MYO6: variants seen among roughly 807,000 people sequenced by gnomAD.
MYO6 encodes unconventional myosin-VI.
MYO6 carries 74 observed loss-of-function variants against 178.7 expected under a neutral mutation model. The ratio of observed to expected loss-of-function variants is 0.41; its 90% CI spans 0.34 to 0.50. The LOEUF is 0.50. MYO6 is among the 20% of genes least tolerant of loss of function. The pLI is 0.09. For synonymous variants in MYO6, 477 were observed against 504.6 expected (o/e 0.95, Z 0.73); for missense variants, 1,330 against 1,547.4 (o/e 0.86, Z 2.36).
At chr6:75,801,102 A>T (rs1405906903) in intron 1 of MYO6, among the ~76,000 whole-genome samples, 8 of 152,142 alleles carry the variant, frequency 5.3e-5, no homozygotes, top group African/African-American at 1.9e-4. Flanking sequence ...GTAAGACTAG[A>T]TGTATTACTT....
Position 75,854,275 on chromosome 6 carries a change from C to CTTTTT in MYO6, c.1079-836_1079-832dup, listed in dbSNP as rs61398235. ...CATGGGTCAAGACCTAACTGCATTGCTTTTTTTTTTTTTTTTTTTTTTTTT... is the reference window on the plus strand; with the variant it reads ...CATGGGTCAAGACCTAACTGCATTGCTTTTTTTTTTTTTTTTTTTTTTTTTTTTTT... On this transcript the variant is annotated intron_variant, in intron 11 of 34. Transcript: ENST00000369977. 2.2e-3 allele frequency among the ~76,000 whole-genome samples: 99 copies of CTTTTT among 45,492 alleles called. 2 individuals carry two copies. The highest frequency in any genetic ancestry group is 3.7e-3 in the African/African-American group (34 of 9,094). 29.8% of individuals were successfully genotyped at this position (45,492 alleles called of 152,430 possible). A position where few individuals can be genotyped will look rare whatever the true frequency, so the allele number is the denominator to read the frequency against.
chr6:75,836,829 C>T (rs1198132865), intron 7 of MYO6, among the ~76,000 whole-genome samples: 3 of 152,068 alleles, frequency 2.0e-5, no homozygotes, highest in Admixed American at 6.6e-5. Flanking sequence ...GTGATCCACC[C>T]GCCTTGGCCT....
At chr6:75,789,785 A>G (rs1191601856) in intron 1 of MYO6, among the ~76,000 whole-genome samples, 1 of 152,174 alleles carries the variant, frequency 6.6e-6, no homozygotes, top group Non-Finnish European at 1.5e-5. Flanking sequence ...TGAAATAAAC[A>G]CTACATTACT....
intron 20 of MYO6, among the ~76,000 whole-genome samples, chr6:75,875,428 C>T (rs769138466): frequency 5.3e-5 from 8 of 152,072 alleles, no homozygotes; most frequent in Non-Finnish European, 1.2e-4. Context: ...GCATGTGCCA[C>T]CACGCCCAGC....
Position 75,840,598 on chromosome 6 carries a change from A to G in MYO6, c.567A>G (p.Leu189=), listed in dbSNP as rs1201261001. 5.6e-6 allele frequency: 9 copies of G among 1,613,626 alleles called. No homozygotes were observed. The highest frequency in any genetic ancestry group is 1.7e-5 in the Admixed American group (1 of 59,998). The change falls in exon 8 of 35, where the codon CTA becomes CTG. Residue 189 remains leucine (L), a synonymous_variant. Coordinates refer to ENST00000369977, the MANE Select transcript of MYO6 (RefSeq NM_004999.4). ...DDRIVEANPL[L]EAFGNAKTVR... is the part of the protein sequence containing the mutation. ...GTTTCTCAATAGCTAACCCACTCCTAGAAGCCTTTGGAAATGCGAAGACTG... is the reference window on the plus strand; with the variant it reads ...GTTTCTCAATAGCTAACCCACTCCTGGAAGCCTTTGGAAATGCGAAGACTG...
chr6:75,916,053 T>G lies in MYO6; in HGVS notation c.*1041T>G, dbSNP rs1240713796. On this transcript the variant is annotated 3_prime_UTR_variant, in exon 35 of 35. Coordinates refer to ENST00000369977, the MANE Select transcript of MYO6 (RefSeq NM_004999.4). ...TTAGTAAGTGCTTGTTTTACATAACTGATAATTTTAAAATGTTTTCTTTGT... is the reference window on the plus strand; with the variant it reads ...TTAGTAAGTGCTTGTTTTACATAACGGATAATTTTAAAATGTTTTCTTTGT... 1 of 152,536 alleles carries G rather than the reference T, an allele frequency of 6.6e-6. No individual in the cohort carries two copies. The highest frequency in any genetic ancestry group is 1.5e-5 in the Non-Finnish European group (1 of 68,046). 9.4% of individuals were successfully genotyped at this position (152,536 alleles called of 1,614,324 possible).
At position 75,919,354 on chromosome 6, in the gene MYO6, G is replaced by C. The variant is rs1781309008; in HGVS notation, c.*4342G>C. The C allele has an allele frequency of 6.6e-6, 1 of 152,374 alleles. No individual in the cohort carries two copies. Among genetic ancestry groups the C allele is most frequent in the Admixed American group, 6.6e-5 (1 of 15,264 alleles). 9.4% of individuals were successfully genotyped at this position (152,374 alleles called of 1,614,324 possible). ...CACATTCAATCCTAATTTGTACCAA[G>C]TAGCATCTCACCTTTAAATCACAGG... On this transcript the variant is annotated 3_prime_UTR_variant, in exon 35 of 35. Transcript: ENST00000369977.
intron 11 of MYO6, among the ~76,000 whole-genome samples, chr6:75,854,109 G>A (rs1298457979): frequency 6.6e-6 from 1 of 151,996 alleles, no homozygotes; most frequent in African/African-American, 2.4e-5. Context: ...TAGATATGAT[G>A]TACTAAGGCA....
At chr6:75,758,476 T>A (rs1459985630) in intron 1 of MYO6, among the ~76,000 whole-genome samples, 1 of 152,094 alleles carries the variant, frequency 6.6e-6, no homozygotes, top group African/African-American at 2.4e-5. Context: ...TGTTTGTTTG[T>A]TTGAGATGGA....
intron 1 of MYO6, among the ~76,000 whole-genome samples, chr6:75,801,740 A>G (rs1769474164): frequency 6.6e-6 from 1 of 152,118 alleles, no homozygotes; most frequent in African/African-American, 2.4e-5. Flanking sequence ...CATGACCTCA[A>G]GACCAGCCTG....
intron 3 of MYO6, among the ~76,000 whole-genome samples, chr6:75,824,167 TA>T (rs1179882307): frequency 3.9e-5 from 6 of 152,240 alleles, no homozygotes; most frequent in African/African-American, 1.4e-4. Flanking sequence ...GAATAGTTTT[TA>T]ATCCATTTCT....
At chr6:75,818,001 C>T (rs1421454760) in intron 2 of MYO6, among the ~76,000 whole-genome samples, 1 of 152,122 alleles carries the variant, frequency 6.6e-6, no homozygotes, top group African/African-American at 2.4e-5. Context: ...TCTTGTGCCA[C>T]ATTACTAAAG....
chr6:75,777,949 A>G (rs1007744939), intron 1 of MYO6, among the ~76,000 whole-genome samples: 1 of 152,196 alleles, frequency 6.6e-6, no homozygotes, highest in Non-Finnish European at 1.5e-5. Flanking sequence ...ATTTAGAGAA[A>G]TGGATATTTT....
rs542396359 is a variant in MYO6, at chr6:75,758,032, C to T, written c.-48+8609C>T. ...TCGTTCTGTTGCCCAGGCTGGAGTG[C>T]AGTAGCGCGATCTTGGCTCACCACA... On this transcript the variant is annotated intron_variant, in intron 1 of 34. Coordinates refer to ENST00000369977, the MANE Select transcript of MYO6 (RefSeq NM_004999.4). Among the ~76,000 whole-genome samples the T allele has an allele frequency of 5.9e-5, 7 of 119,266 alleles. No homozygotes were observed. In the East Asian group the frequency reaches 1.9e-3, roughly 33 times the overall value. The allele number at this position is 119,266 out of a possible 152,430, so 78.2% of individuals were successfully genotyped here.
chr6:75,853,661 A>G (rs890250862), intron 11 of MYO6, among the ~76,000 whole-genome samples: 4 of 152,062 alleles, frequency 2.6e-5, no homozygotes, highest in Admixed American at 6.6e-5. Context: ...TTTCTCATAT[A>G]TATTCTAAGA....
intron 6 of MYO6, among the ~76,000 whole-genome samples, chr6:75,834,136 C>CTG (rs1773401057): frequency 6.6e-6 from 1 of 152,174 alleles, no homozygotes; most frequent in Non-Finnish European, 1.5e-5. Flanking sequence ...ATTTCTATTT[C>CTG]CCTATAGTCT....
In MYO6 at chr6:75,774,449, A is replaced by G. The variant is rs147006257; in HGVS notation, c.-48+25026A>G. On this transcript the variant is annotated intron_variant, in intron 1 of 34. Coordinates refer to ENST00000369977, the MANE Select transcript of MYO6 (RefSeq NM_004999.4). ...CATGCATTTCTGTCTTTCTACCACT[A>G]AATTGCTGATATTCATTTACTTTCC... 6.8e-4 allele frequency among the ~76,000 whole-genome samples: 104 copies of G among 152,260 alleles called. 1 individual carries two copies. The East Asian group carries it at 0.019, about 27-fold the overall frequency.
intron 1 of MYO6, among the ~76,000 whole-genome samples, chr6:75,759,310 C>T (rs933181724): frequency 1.3e-5 from 2 of 152,246 alleles, no homozygotes; most frequent in Admixed American, 6.5e-5. Context: ...AGATTTTACC[C>T]CTGGTGGTTC....
rs1424179951 is a variant in MYO6 at position 75,917,435 on chromosome 6, G to C, written c.*2423G>C. 4 of 152,560 alleles carry C rather than the reference G, an allele frequency of 2.6e-5. No individual in the cohort carries two copies. Among genetic ancestry groups the C allele is most frequent in the African/African-American group, 9.6e-5 (4 of 41,464 alleles). The allele number at this position is 152,560 out of a possible 1,614,324, so 9.5% of individuals were successfully genotyped here. On this transcript the variant is annotated 3_prime_UTR_variant, in exon 35 of 35. Coordinates refer to ENST00000369977, the MANE Select transcript of MYO6 (RefSeq NM_004999.4). ...TATAATTCCTAATTGTGGTAACACA[G>C]TTGAGATATGTATTATGAGTTATGG... is the stretch of plus-strand genomic sequence containing the variant.
Sources: allele counts gnomAD v4.1 joint callset (sites outside exome capture counted in the v4.1 genomes callset), GRCh38; gene constraint gnomAD v4.1.1; transcripts MANE v1.5; gene names NCBI Gene and HGNC (gene_info 2026-07-23, HGNC 2026-07-21).